Variants in FAM110B observed in about 807,000 individuals in gnomAD.
FAM110B encodes the protein family with sequence similarity 110 member B.
In FAM110B, 6 loss-of-function variants were observed where a neutral mutation model predicts 20.4. That is an observed-to-expected ratio of 0.29 (90% CI 0.16 to 0.58). The LOEUF (loss-of-function observed/expected upper bound fraction) is 0.58, where lower values mean the gene tolerates loss of function less well. Among genes scored for constraint, FAM110B ranks in the 20% least tolerant of loss-of-function variants. FAM110B has a pLI of 0.90. For missense variants in FAM110B, 434 were observed against 498.2 expected (o/e 0.87, Z 1.23); for synonymous variants, 226 against 214.1 (o/e 1.06, Z -0.49).
Position 58,146,146 on chromosome 8 carries a change from C to A in FAM110B, c.-85C>A. On this transcript the variant is annotated 5_prime_UTR_variant, in exon 4 of 4. Coordinates refer to ENST00000519262, the MANE Select transcript of FAM110B (RefSeq NM_001377989.1). ...CCCAGGCTGCACCCGCCGCCCTTGG[C>A]GCTTCATGTACATGTGTCTATTCAG... is the stretch of plus-strand genomic sequence containing the variant. 6.8e-7 allele frequency: 1 copy of A among 1,471,468 alleles called. No individual in the cohort carries two copies. Among genetic ancestry groups the A allele is most frequent in the South Asian group, 1.4e-5 (1 of 70,942 alleles). 91.2% of individuals were successfully genotyped at this position (1,471,468 alleles called of 1,614,324 possible). A position where few individuals can be genotyped will look rare whatever the true frequency, so the allele number is the denominator to read the frequency against.
intron 1 of FAM110B, among the ~76,000 whole-genome samples, chr8:58,025,997 G>A (rs1311694074): frequency 2.0e-5 from 3 of 152,206 alleles, no homozygotes; most frequent in African/African-American, 7.2e-5. Context: ...GGACTTAGTA[G>A]TGGGGGTTAG....
At position 58,146,622 on chromosome 8, in the gene FAM110B, C is replaced by A. The variant is rs773517395; in HGVS notation, c.392C>A (p.Ser131Tyr). The change falls in exon 4 of 4, where the codon TCT becomes TAT. Residue 131 changes from serine to tyrosine, a missense_variant. Ser to Tyr is a moderately radical substitution (Grantham distance 144). Transcript: ENST00000519262. The stretch of plus-strand genomic sequence containing the variant: ...AACATCATCAATAGCTCCGAGGGCT[C>A]TAGCTCGGGCTCGGGGCACAAGCAC... ...LKNIINSSEG[S>Y]SSGSGHKHSS... 4 of 1,613,952 alleles carry A rather than the reference C, an allele frequency of 2.5e-6. No homozygotes were observed. Among genetic ancestry groups the A allele is most frequent in the Non-Finnish European group, 3.4e-6 (4 of 1,179,928 alleles).
At chr8:58,050,646 C>G (rs1306676865) in intron 2 of FAM110B, among the ~76,000 whole-genome samples, 4 of 152,210 alleles carry the variant, frequency 2.6e-5, no homozygotes, top group African/African-American at 9.7e-5. Flanking sequence ...TCATCAGATT[C>G]CTGTCAGACT....
chr8:58,074,067 C>A (rs1464631602), intron 2 of FAM110B, among the ~76,000 whole-genome samples: 4 of 152,102 alleles, frequency 2.6e-5, no homozygotes, highest in Admixed American at 2.6e-4. Flanking sequence ...TTTTCAAACC[C>A]TGTAAAATGC....
At chr8:58,002,712 A>AGC (rs1186802043) in intron 1 of FAM110B, among the ~76,000 whole-genome samples, 3 of 152,170 alleles carry the variant, frequency 2.0e-5, no homozygotes, top group Non-Finnish European at 2.9e-5. Context: ...GTAGTCTATT[A>AGC]AGTGTGCAAT....
Position 58,047,481 on chromosome 8 carries a change from G to T in FAM110B, c.-414+15778G>T, listed in dbSNP as rs183309264. On this transcript the variant is annotated intron_variant, in intron 2 of 3. Coordinates refer to ENST00000519262, the MANE Select transcript of FAM110B (RefSeq NM_001377989.1). ...TTCCAGAGTAGAAGGCACCATCACA[G>T]TCTCCAACCATCACCTCAATGGCAT... Among the ~76,000 whole-genome samples, 42 of 152,150 alleles carry T rather than the reference G, an allele frequency of 2.8e-4. 2 individuals are homozygous for T. The highest frequency in any genetic ancestry group is 2.1e-3 in the Admixed American group (32 of 15,268).
intron 1 of FAM110B, 116 bp downstream of exon 1, chr8:57,994,922 C>G (rs1294930282): frequency 6.6e-6 from 1 of 152,148 alleles, no homozygotes; most frequent in Non-Finnish European, 1.5e-5. Flanking sequence ...CGCGGCCAGG[C>G]GGCGCGGAGC....
At chr8:58,137,281 C>A (rs1375689354) in intron 3 of FAM110B, among the ~76,000 whole-genome samples, 1 of 152,136 alleles carries the variant, frequency 6.6e-6, no homozygotes, top group Admixed American at 6.5e-5. Context: ...TTACATTGGC[C>A]AGGCACGGTG....
intron 1 of FAM110B, among the ~76,000 whole-genome samples, chr8:58,022,417 G>T (rs1159776976): frequency 6.6e-6 from 1 of 152,136 alleles, no homozygotes; most frequent in Non-Finnish European, 1.5e-5. Context: ...TTTCAGTTTT[G>T]CAAGATGAAA....
chr8:58,120,626 C>T (rs1174205813), intron 3 of FAM110B, among the ~76,000 whole-genome samples: 1 of 152,218 alleles, frequency 6.6e-6, no homozygotes, highest in Non-Finnish European at 1.5e-5. Context: ...AAGTGGCTAC[C>T]CCTCCACTGC....
In FAM110B at chr8:58,119,370, G is replaced by C. The variant is rs529542934; in HGVS notation, c.-324-26537G>C. Among the ~76,000 whole-genome samples the C allele has an allele frequency of 4.6e-5, 7 of 152,294 alleles. No individual in the cohort carries two copies. The South Asian group carries it at 1.5e-3, about 32-fold the overall frequency. On this transcript the variant is annotated intron_variant, in intron 3 of 3. Transcript: ENST00000519262. Reference sequence around the variant, plus strand: ...GATGGTGACTTCTTGCTATGTCCTCGCATGGGGGAAGGGACAGGCACACCC... The same window carrying C: ...GATGGTGACTTCTTGCTATGTCCTCCCATGGGGGAAGGGACAGGCACACCC...
At chr8:58,122,965 C>A (rs1360016999) in intron 3 of FAM110B, among the ~76,000 whole-genome samples, 2 of 152,228 alleles carry the variant, frequency 1.3e-5, no homozygotes, top group Non-Finnish European at 2.9e-5. Flanking sequence ...GCGTCTCCCC[C>A]AGATCATACC....
intron 2 of FAM110B, among the ~76,000 whole-genome samples, chr8:58,061,060 A>G (rs995084034): frequency 1.3e-5 from 2 of 152,220 alleles, no homozygotes; most frequent in Admixed American, 6.5e-5. Context: ...TCTCAGTATA[A>G]GAGAACACCA....
At chr8:58,013,999 G>A (rs1354038842) in intron 1 of FAM110B, among the ~76,000 whole-genome samples, 1 of 152,148 alleles carries the variant, frequency 6.6e-6, no homozygotes, top group Non-Finnish European at 1.5e-5. Context: ...AGGATTGACT[G>A]TGCACTAAGA....
chr8:58,108,838 G>A (rs910831144), intron 3 of FAM110B, among the ~76,000 whole-genome samples: 6 of 152,144 alleles, frequency 3.9e-5, no homozygotes, highest in Non-Finnish European at 1.5e-5. Flanking sequence ...CTTCCCAGGA[G>A]CTTCATTCCT....
At chr8:58,112,686 G>T (rs1807092819) in intron 3 of FAM110B, among the ~76,000 whole-genome samples, 1 of 152,148 alleles carries the variant, frequency 6.6e-6, no homozygotes, top group South Asian at 2.1e-4. Context: ...GTTGAGTGCT[G>T]GTTCTCATTA....
chr8:58,045,691 C>CT (rs1414596557), intron 2 of FAM110B, among the ~76,000 whole-genome samples: 1 of 152,192 alleles, frequency 6.6e-6, no homozygotes, highest in Admixed American at 6.5e-5. Context: ...GTGAAAACCA[C>CT]TGCACTATGG....
chr8:58,006,378 C>T (rs755588092), intron 1 of FAM110B, among the ~76,000 whole-genome samples: 2 of 152,176 alleles, frequency 1.3e-5, no homozygotes, highest in African/African-American at 4.8e-5. Flanking sequence ...ACTACAGACA[C>T]TGGCTTGGGA....
rs561158232 is a variant in FAM110B at position 58,137,335 on chromosome 8, G to A, written c.-324-8572G>A. On this transcript the variant is annotated intron_variant, in intron 3 of 3. Transcript: ENST00000519262. ...AGCACTTTGGGAGGCCAAGGCAGGC[G>A]GATCACCTTAGGTCAGGAGTTTGAG... 3.9e-5 allele frequency among the ~76,000 whole-genome samples: 6 copies of A among 152,280 alleles called. No homozygotes were observed. The East Asian group carries it at 7.7e-4, about 20-fold the overall frequency.
Sources: allele counts gnomAD v4.1 joint callset (sites outside exome capture counted in the v4.1 genomes callset), GRCh38; gene constraint gnomAD v4.1.1; transcripts MANE v1.5; gene names NCBI Gene and HGNC (gene_info 2026-07-23, HGNC 2026-07-21).